PHF20: variants seen among roughly 807,000 people sequenced by gnomAD.
PHF20 encodes glioma-expressed antigen 2.
Under a neutral mutation model 113.5 loss-of-function variants are expected in PHF20, and 23 were observed. The ratio of observed to expected loss-of-function variants is 0.20; its 90% CI spans 0.15 to 0.29. PHF20 has a LOEUF of 0.29. Ranked by LOEUF, PHF20 falls within the 10% of genes least tolerant of loss-of-function variation. PHF20 has a pLI of 1.00. For synonymous variants in PHF20, 434 were observed against 457.3 expected, an observed-to-expected ratio of 0.95 and a Z score of 0.65; for missense variants, 943 against 1,219.6, an observed-to-expected ratio of 0.77 and a Z score of 3.38.
chr20:35,933,039 AG>A, intron 15 of PHF20, among the ~76,000 whole-genome samples: 1 of 151,844 alleles, frequency 6.6e-6, no homozygotes, highest in East Asian at 1.9e-4. Flanking sequence ...TCCCTTTTTA[AG>A]GCTGAGTAAT....
At chr20:35,790,881 C>G (rs937825407) in intron 1 of PHF20, among the ~76,000 whole-genome samples, 2 of 152,058 alleles carry the variant, frequency 1.3e-5, no homozygotes, top group Non-Finnish European at 2.9e-5. Flanking sequence ...TTTTTTGAGA[C>G]AGAGCCTTGC....
intron 1 of PHF20, among the ~76,000 whole-genome samples, chr20:35,784,237 A>C (rs1569115680): frequency 6.6e-6 from 1 of 151,632 alleles, no homozygotes; most frequent in Non-Finnish European, 1.5e-5. Context: ...TATTTTTAGT[A>C]GAGATGGGGT....
At chr20:35,773,349 T>C (rs1048820870) in intron 1 of PHF20, among the ~76,000 whole-genome samples, 1 of 152,192 alleles carries the variant, frequency 6.6e-6, no homozygotes, top group African/African-American at 2.4e-5. Flanking sequence ...TTTCCTTCCC[T>C]TTTTGGAGCC....
At chr20:35,908,000 A>G (rs2055231415) in intron 10 of PHF20, among the ~76,000 whole-genome samples, 1 of 152,252 alleles carries the variant, frequency 6.6e-6, no homozygotes, top group Admixed American at 6.5e-5. Context: ...ATAATGCCTA[A>G]TTTATAGATT....
At chr20:35,943,229 T>G (rs2056021159) in intron 17 of PHF20, among the ~76,000 whole-genome samples, 1 of 152,106 alleles carries the variant, frequency 6.6e-6, no homozygotes, top group African/African-American at 2.4e-5. Context: ...ACACGTATAA[T>G]CCTAGCTACT....
chr20:35,902,228 G>A (rs1418232750), intron 10 of PHF20, among the ~76,000 whole-genome samples: 1 of 152,166 alleles, frequency 6.6e-6, no homozygotes, highest in African/African-American at 2.4e-5. Context: ...AACCAGCACT[G>A]AAGGACTGGA....
intron 1 of PHF20, among the ~76,000 whole-genome samples, chr20:35,789,773 C>G (rs574229260): frequency 1.5e-3 from 232 of 150,874 alleles, no homozygotes; most frequent in African/African-American, 5.5e-3. Flanking sequence ...GTCTCGAACT[C>G]CTGACCTCAT....
chr20:35,903,058 C>T (rs1460691083), intron 10 of PHF20, among the ~76,000 whole-genome samples: 2 of 121,518 alleles, frequency 1.6e-5, no homozygotes, highest in Admixed American at 8.0e-5. Flanking sequence ...GTTTCCTTTC[C>T]TTTCCTTTCC....
At chr20:35,934,213 C>G (rs1418085503) in intron 15 of PHF20, among the ~76,000 whole-genome samples, 1 of 152,196 alleles carries the variant, frequency 6.6e-6, no homozygotes, top group Non-Finnish European at 1.5e-5. Context: ...AATCTGCTTC[C>G]TCTTGTGCTC....
Position 35,947,636 on chromosome 20 carries a change from A to G in PHF20, c.*9A>G. 1.2e-6 allele frequency: 2 copies of G among 1,611,770 alleles called. No homozygotes were observed. Among genetic ancestry groups the G allele is most frequent in the South Asian group, 2.2e-5 (2 of 91,018 alleles). On this transcript the variant is annotated 3_prime_UTR_variant, in exon 18 of 18. Transcript: ENST00000374012. The stretch of plus-strand genomic sequence containing the variant: ...TCTGCTGCTCAACATGAAACTGGGC[A>G]CCCAAAACTCATGGGGGCACAATCC...
chr20:35,942,147 A>G (rs1421043732), intron 17 of PHF20, among the ~76,000 whole-genome samples: 1 of 152,166 alleles, frequency 6.6e-6, no homozygotes, highest in Non-Finnish European at 1.5e-5. Flanking sequence ...GTAGGGGTGT[A>G]GTCCCAGCTA....
intron 9 of PHF20, among the ~76,000 whole-genome samples, chr20:35,875,591 G>A (rs2146999654): frequency 6.6e-6 from 1 of 152,102 alleles, no homozygotes; most frequent in Non-Finnish European, 1.5e-5. Context: ...TTCCCAGCCT[G>A]CTCTTCTGAC....
At chr20:35,811,928 G>T (rs999670681) in intron 2 of PHF20, among the ~76,000 whole-genome samples, 2 of 151,708 alleles carry the variant, frequency 1.3e-5, no homozygotes, top group East Asian at 1.9e-4. Flanking sequence ...CCGCCACCAC[G>T]CCCGGCTAAT....
chr20:35,946,170 C>T (rs566827100), intron 17 of PHF20, among the ~76,000 whole-genome samples: 2 of 150,838 alleles, frequency 1.3e-5, no homozygotes, highest in South Asian at 4.2e-4. Context: ...GAAACTCTGT[C>T]TCAAAAGAAA....
At chr20:35,885,847 C>T (rs939245902) in intron 9 of PHF20, among the ~76,000 whole-genome samples, 2 of 151,936 alleles carry the variant, frequency 1.3e-5, no homozygotes, top group African/African-American at 4.8e-5. Flanking sequence ...TATCTTATTT[C>T]CTCATCAAAC....
intron 2 of PHF20, among the ~76,000 whole-genome samples, chr20:35,815,797 G>A (rs1384391838): frequency 6.6e-6 from 1 of 151,908 alleles, no homozygotes; most frequent in Admixed American, 6.6e-5. Flanking sequence ...GGAGGCCTAG[G>A]TAAGAGGATC....
At chr20:35,882,890 C>T (rs1434715767) in intron 9 of PHF20, among the ~76,000 whole-genome samples, 10 of 151,722 alleles carry the variant, frequency 6.6e-5, no homozygotes, top group African/African-American at 2.2e-4. Flanking sequence ...TAGCCAGGTG[C>T]GGTGGTGTGT....
intron 9 of PHF20, among the ~76,000 whole-genome samples, chr20:35,890,655 C>A (rs1233997067): frequency 6.6e-6 from 1 of 152,168 alleles, no homozygotes; most frequent in Non-Finnish European, 1.5e-5. Context: ...CCGAAGTGGG[C>A]AGATCACCTG....
chr20:35,928,015 T>C lies in PHF20; in HGVS notation c.2104+136T>C. 2 of 679,766 alleles carry C rather than the reference T, an allele frequency of 2.9e-6. 1 individual carries two copies. The allele number at this position is 679,766 out of a possible 1,614,324, so 42.1% of individuals were successfully genotyped here. ...GGCTAGACTCCAGCTCCTCCTCGCCTCTGTTGCTATCCTGCCTTGTGGCCA... is the reference window on the plus strand; with the variant it reads ...GGCTAGACTCCAGCTCCTCCTCGCCCCTGTTGCTATCCTGCCTTGTGGCCA... On this transcript the variant is annotated intron_variant, in intron 14 of 17. Coordinates refer to ENST00000374012, the MANE Select transcript of PHF20 (RefSeq NM_016436.5).
Sources: gnomAD v4.1 joint callset for allele counts (sites outside exome capture counted in the v4.1 genomes callset) on GRCh38, gnomAD v4.1.1 for gene constraint, MANE v1.5 for transcripts, NCBI Gene and HGNC (gene_info 2026-07-23, HGNC 2026-07-21) for gene names.